The following ARHGAP12 variants were observed in gnomAD, a reference collection of about 807,000 sequenced individuals.
ARHGAP12 encodes rho GTPase-activating protein 12.
ARHGAP12 carries 64 observed loss-of-function variants against 108.6 expected under a neutral mutation model. That is an observed-to-expected ratio of 0.59 (90% confidence interval 0.48 to 0.73). The LOEUF is 0.73. ARHGAP12 is among the 30% of genes least tolerant of loss of function. ARHGAP12 has a pLI of 0.00. For synonymous variants in ARHGAP12, 312 were observed against 337.2 expected (o/e 0.93, Z 0.82); for missense variants, 940 against 1,005.9 (o/e 0.93, Z 0.89).
At chr10:31,844,706 T>C (rs973531881) in intron 6 of ARHGAP12, among the ~76,000 whole-genome samples, 4 of 151,708 alleles carry the variant, frequency 2.6e-5, no homozygotes, top group African/African-American at 9.7e-5. Flanking sequence ...GCTTTTTTTT[T>C]TTTTTTTTGT....
chr10:31,825,417 AT>A (rs1423503832), intron 11 of ARHGAP12, among the ~76,000 whole-genome samples: 1 of 152,142 alleles, frequency 6.6e-6, no homozygotes, highest in Non-Finnish European at 1.5e-5. Flanking sequence ...GAATAATTTC[AT>A]TTTAAATTTT....
At chr10:31,925,318 T>C (rs547609296) in intron 1 of ARHGAP12, among the ~76,000 whole-genome samples, 1 of 152,332 alleles carries the variant, frequency 6.6e-6, no homozygotes, top group Non-Finnish European at 1.5e-5. Flanking sequence ...TAGTGAGCAA[T>C]GGAATAATCT....
chr10:31,809,190 G>A (rs368668457), intron 17 of ARHGAP12, 40 bp downstream of exon 17: 3 of 1,612,892 alleles, frequency 1.9e-6, no homozygotes, highest in Non-Finnish European at 1.7e-6. Context: ...AAAAAGTTAT[G>A]AGTGATGCAT....
At position 31,908,698 on chromosome 10, in the gene ARHGAP12, A is replaced by G. The variant is rs1458826675; in HGVS notation, c.158T>C (p.Val53Ala). Residue 53 changes from valine to alanine, a missense_variant, in exon 3 of 20, where the codon GTC becomes GCC. Val to Ala is a moderately conservative substitution (Grantham distance 64). Transcript: ENST00000344936. ...VKKTNDDWWQ[V>A]KPDENSKAFY... The stretch of plus-strand genomic sequence containing the variant: ...CGCTTTGGAGTTTTCATCTGGCTTG[A>G]CTTGCCACCAGTCATCATTGGTCTT... 4 of 1,613,968 alleles carry G rather than the reference A, an allele frequency of 2.5e-6. No homozygotes were observed. Among genetic ancestry groups the G allele is most frequent in the Non-Finnish European group, 3.4e-6 (4 of 1,180,016 alleles).
intron 1 of ARHGAP12, among the ~76,000 whole-genome samples, chr10:31,911,306 G>A (rs7099321): frequency 0.021 from 3,241 of 152,308 alleles, 97 homozygotes; most frequent in African/African-American, 0.07. Context: ...TTATAGGCAT[G>A]AGCCACCGCA....
At chr10:31,904,632 T>C (rs1564424648) in intron 3 of ARHGAP12, among the ~76,000 whole-genome samples, 1 of 151,882 alleles carries the variant, frequency 6.6e-6, no homozygotes, top group Non-Finnish European at 1.5e-5. Context: ...GTCCAAATTA[T>C]TATTATTATT....
At chr10:31,857,249 T>C (rs12784487) in intron 4 of ARHGAP12, among the ~76,000 whole-genome samples, 1,657 of 152,348 alleles carry the variant, frequency 0.011, 16 homozygotes, top group Non-Finnish European at 0.016. Flanking sequence ...TTCACTTTAC[T>C]GTTCTTTTAA....
intron 1 of ARHGAP12, among the ~76,000 whole-genome samples, chr10:31,922,951 G>C (rs901561332): frequency 1.3e-5 from 2 of 151,782 alleles, no homozygotes; most frequent in Admixed American, 6.6e-5. Flanking sequence ...AACATAGCAC[G>C]AACCCGTCTC....
chr10:31,833,114 C>A (rs1835891787), intron 9 of ARHGAP12, among the ~76,000 whole-genome samples: 1 of 151,610 alleles, frequency 6.6e-6, no homozygotes, highest in Admixed American at 6.6e-5. Flanking sequence ...CAGATCACAG[C>A]AAGGCAGCTG....
At chr10:31,922,335 A>C (rs1839860145) in intron 1 of ARHGAP12, among the ~76,000 whole-genome samples, 1 of 152,048 alleles carries the variant, frequency 6.6e-6, no homozygotes, top group Non-Finnish European at 1.5e-5. Flanking sequence ...AGACATCAAA[A>C]GGAAAATAGA....
Position 31,810,750 on chromosome 10 carries a change from G to A in ARHGAP12, c.1952-3C>T. ...GAGATTGGATCCAAATACCTGATCT[G>A]AAAAAGATTTATTTTTAAAAAGTCA... is the stretch of plus-strand genomic sequence containing the variant. On this transcript the variant is annotated splice_polypyrimidine_tract_variant and splice_region_variant and intron_variant, in intron 15 of 19. Coordinates refer to ENST00000344936, the MANE Select transcript of ARHGAP12 (RefSeq NM_018287.7). The A allele has an allele frequency of 6.2e-7, 1 of 1,600,120 alleles. No homozygotes were observed. Among genetic ancestry groups the A allele is most frequent in the Non-Finnish European group, 8.5e-7 (1 of 1,172,314 alleles).
chr10:31,871,508 G>C (rs1837541888), intron 3 of ARHGAP12, among the ~76,000 whole-genome samples: 1 of 152,036 alleles, frequency 6.6e-6, no homozygotes, highest in Non-Finnish European at 1.5e-5. Context: ...AGCCTGAACA[G>C]TCTCTTCACC....
In ARHGAP12 at chr10:31,908,624, T is replaced by C. The variant is rs766694722; in HGVS notation, c.232A>G (p.Met78Val). 12 of 1,612,262 alleles carry C rather than the reference T, an allele frequency of 7.4e-6. No individual in the cohort carries two copies. The East Asian group carries it at 1.8e-4, about 24-fold the overall frequency. Residue 78 changes from methionine (M) to valine (V), a missense_variant, in exon 3 of 20, where the codon ATG (methionine) becomes GTG (valine). Coordinates refer to ENST00000344936, the MANE Select transcript of ARHGAP12 (RefSeq NM_018287.7). ...CCAGCTACCTGCTTAACAGGTGGCA[T>C]GAGAGCTTTGCGCGTGACCTCCTTC... Reference protein sequence around the residue: ...YVKEVTRKALMPPVKQVAGLP... With the variant: ...YVKEVTRKALVPPVKQVAGLP...
intron 6 of ARHGAP12, among the ~76,000 whole-genome samples, chr10:31,846,385 A>T (rs1836460887): frequency 6.6e-6 from 1 of 152,014 alleles, no homozygotes; most frequent in Admixed American, 6.6e-5. Context: ...TCCTACAGCA[A>T]CTCTTTGAAA....
chr10:31,925,271 G>A (rs1374120370), intron 1 of ARHGAP12, among the ~76,000 whole-genome samples: 2 of 152,196 alleles, frequency 1.3e-5, no homozygotes, highest in East Asian at 3.8e-4. Context: ...AGCAGTACAA[G>A]TGATTAATAA....
chr10:31,841,190 C>T (rs1349548313), intron 7 of ARHGAP12, among the ~76,000 whole-genome samples: 3 of 151,850 alleles, frequency 2.0e-5, no homozygotes, highest in Non-Finnish European at 4.4e-5. Flanking sequence ...TAGATATATG[C>T]ATATAAATAT....
intron 11 of ARHGAP12, among the ~76,000 whole-genome samples, chr10:31,822,499 G>C (rs1288820454): frequency 6.6e-6 from 1 of 152,144 alleles, no homozygotes; most frequent in Non-Finnish European, 1.5e-5. Context: ...CATAAGCAAA[G>C]CTCAACTTCC....
At chr10:31,880,713 G>T (rs1837914311) in intron 3 of ARHGAP12, among the ~76,000 whole-genome samples, 1 of 152,058 alleles carries the variant, frequency 6.6e-6, no homozygotes, top group African/African-American at 2.4e-5. Context: ...GTCAACAATT[G>T]TATTTCTATA....
At chr10:31,819,383 T>C (rs1404669015) in intron 12 of ARHGAP12, among the ~76,000 whole-genome samples, 3 of 151,740 alleles carry the variant, frequency 2.0e-5, no homozygotes, top group African/African-American at 4.8e-5. Context: ...CAAAAAGAGG[T>C]TGGGATCTGG....
Sources: allele counts gnomAD v4.1 joint callset (sites outside exome capture counted in the v4.1 genomes callset), GRCh38; gene constraint gnomAD v4.1.1; transcripts MANE v1.5; gene names NCBI Gene and HGNC (gene_info 2026-07-23, HGNC 2026-07-21).